The following LRRC31 variants were observed in gnomAD, a reference collection of about 807,000 sequenced individuals.
LRRC31 encodes leucine rich repeat containing 31, also known as leucine-rich repeat-containing protein 31.
A neutral mutation model predicts 46.7 loss-of-function variants in LRRC31; 35 were observed. The observed-to-expected ratio is 0.75, with a 90% CI of 0.57 to 0.99. The LOEUF (loss-of-function observed/expected upper bound fraction) is 0.99, where lower values mean the gene tolerates loss of function less well. LRRC31 is among the 50% of genes least tolerant of loss of function. LRRC31 has a pLI of 0.00. For synonymous variants in LRRC31, 236 were observed against 235.1 expected, an observed-to-expected ratio of 1.00 and a Z score of -0.03; for missense variants, 613 against 626.1, an observed-to-expected ratio of 0.98 and a Z score of 0.22.
At chr3:169,860,196 C>A (rs1191761773) in intron 3 of LRRC31, among the ~76,000 whole-genome samples, 2 of 151,610 alleles carry the variant, frequency 1.3e-5, no homozygotes, top group Non-Finnish European at 2.9e-5. Context: ...AAAGCAGGGA[C>A]CTGGTCAGCC....
rs770733010 is a variant in LRRC31, at chr3:169,851,628, TA to T, written c.1149del (p.Phe383LeufsTer29). On this transcript the variant is annotated frameshift_variant, in exon 7 of 9. Transcript: ENST00000316428. LOFTEE classifies it high-confidence loss of function. ...INNCALESET[F>X]TALAEASVHL... ...CTGGGAAATCTCTTACCAAGAGCTG[TA>T]AAAGTCTCACTCTCCAAAGCACAGT... The T allele has an allele frequency of 6.2e-7, 1 of 1,613,730 alleles. No homozygotes were observed. The highest frequency in any genetic ancestry group is 1.1e-5 in the South Asian group (1 of 91,016).
chr3:169,839,945 G>T lies in LRRC31; in HGVS notation c.*37C>A. On this transcript the variant is annotated 3_prime_UTR_variant, in exon 9 of 9. Coordinates refer to ENST00000316428, the MANE Select transcript of LRRC31 (RefSeq NM_024727.4). ...TTCGTTCATGTTCTTTTCCTTTGGA[G>T]AATGGTTTGTAGCTTAGTAGGACAT... 3.3e-6 allele frequency: 5 copies of T among 1,508,572 alleles called. No individual in the cohort carries two copies. The highest frequency in any genetic ancestry group is 4.5e-6 in the Non-Finnish European group (5 of 1,111,128). 93.4% of individuals were successfully genotyped at this position (1,508,572 alleles called of 1,614,324 possible). A position where few individuals can be genotyped will look rare whatever the true frequency, so the allele number is the denominator to read the frequency against.
chr3:169,865,927 G>A (rs1308566032), intron 1 of LRRC31, among the ~76,000 whole-genome samples: 3 of 152,158 alleles, frequency 2.0e-5, no homozygotes. Context: ...GGGGATGGGA[G>A]AAGAATGTGG....
At chr3:169,864,285 C>G (rs897526618) in intron 1 of LRRC31, among the ~76,000 whole-genome samples, 2 of 152,206 alleles carry the variant, frequency 1.3e-5, no homozygotes, top group African/African-American at 4.8e-5. Context: ...GGTTGCTACA[C>G]TCCTCTATCC....
At position 169,859,444 on chromosome 3, in the gene LRRC31, G is replaced by A. The variant is rs533334796; in HGVS notation, c.487+1117C>T. ...CATTTCCAGGGAGAGACTGACAAGC[G>A]GAGATATTTGGCATAAAATGTGTTG... On this transcript the variant is annotated intron_variant, in intron 3 of 8. Coordinates refer to ENST00000316428, the MANE Select transcript of LRRC31 (RefSeq NM_024727.4). Among the ~76,000 whole-genome samples, 8 of 152,268 alleles carry A rather than the reference G, an allele frequency of 5.3e-5. No individual in the cohort carries two copies. In the South Asian group the frequency reaches 6.2e-4, roughly 12 times the overall value.
intron 1 of LRRC31, among the ~76,000 whole-genome samples, chr3:169,863,292 A>C (rs775003658): frequency 1.3e-5 from 2 of 152,216 alleles, no homozygotes; most frequent in Non-Finnish European, 2.9e-5. Flanking sequence ...GAAATATACA[A>C]TTTTAAACAT....
At chr3:169,843,584 C>T (rs562197316) in intron 8 of LRRC31, among the ~76,000 whole-genome samples, 6 of 152,274 alleles carry the variant, frequency 3.9e-5, no homozygotes, top group African/African-American at 9.6e-5. Flanking sequence ...CTACAATATA[C>T]GCATGGAACA....
chr3:169,856,413 C>T lies in LRRC31; in HGVS notation c.746G>A (p.Gly249Glu), dbSNP rs752903395. Reference protein sequence around the residue: ...IVGSLNSIAQGLKSTSNLKVL... With the variant: ...IVGSLNSIAQELKSTSNLKVL... ...TTTCAGATTTGAGGTGCTTTTTAAT[C>T]CCTGAGCAATACTGTTCAGACTGCC... The change falls in exon 5 of 9, where the codon GGA becomes GAA. Residue 249 changes from glycine to glutamate, a missense_variant. Physicochemically the swap from Gly to Glu is moderately conservative, Grantham distance 98. Transcript: ENST00000316428. 6 of 1,607,032 alleles carry T rather than the reference C, an allele frequency of 3.7e-6. No individual in the cohort carries two copies. Among genetic ancestry groups the T allele is most frequent in the Non-Finnish European group, 4.2e-6 (5 of 1,176,646 alleles).
At chr3:169,861,384 AG>A (rs375778424) in intron 2 of LRRC31, among the ~76,000 whole-genome samples, 9,163 of 143,370 alleles carry the variant, frequency 0.064, 360 homozygotes, top group Admixed American at 0.097. Context: ...TAAAAAAAAA[AG>A]AAAAAAGAAA....
intron 8 of LRRC31, 98 bp downstream of exon 8, chr3:169,848,022 A>G: frequency 2.5e-6 from 3 of 1,202,014 alleles, no homozygotes; most frequent in East Asian, 4.7e-5. Flanking sequence ...GCTTCACCCC[A>G]GGTCTGGTAC....
At chr3:169,854,520 C>T (rs1780883223) in intron 6 of LRRC31, among the ~76,000 whole-genome samples, 1 of 152,188 alleles carries the variant, frequency 6.6e-6, no homozygotes, top group African/African-American at 2.4e-5. Flanking sequence ...TTGTAATCAA[C>T]TTTGTGACAC....
At chr3:169,856,943 C>A (rs930956975) in intron 3 of LRRC31, 71 bp from the exon 4 acceptor site, 5 of 1,450,668 alleles carry the variant, frequency 3.4e-6, no homozygotes, top group Non-Finnish European at 4.7e-6. Context: ...TCAGAATCAG[C>A]ACAACCATGA....
intron 3 of LRRC31, among the ~76,000 whole-genome samples, chr3:169,859,317 G>C: frequency 6.8e-6 from 1 of 147,702 alleles, no homozygotes; most frequent in African/African-American, 2.5e-5. Flanking sequence ...GGCCGGGGGG[G>C]CGGGTAGGCA....
At chr3:169,860,517 G>C (rs773487011) in intron 3 of LRRC31, 44 bp downstream of exon 3, 2 of 1,606,090 alleles carry the variant, frequency 1.2e-6, no homozygotes, top group African/African-American at 1.3e-5. Flanking sequence ...TGTGAGCCAC[G>C]GCGCCCGGCC....
chr3:169,864,536 A>G (rs545933410), intron 1 of LRRC31, among the ~76,000 whole-genome samples: 1 of 152,328 alleles, frequency 6.6e-6, no homozygotes, highest in Admixed American at 6.5e-5. Flanking sequence ...GAGCATCGTG[A>G]TTTAAACTTA....
intron 3 of LRRC31, among the ~76,000 whole-genome samples, chr3:169,858,240 T>C (rs986362072): frequency 2.0e-5 from 3 of 152,092 alleles, no homozygotes; most frequent in Non-Finnish European, 4.4e-5. Flanking sequence ...GAAATAACTC[T>C]GGGAGAGGGA....
chr3:169,851,190 A>T (rs1480052101), intron 7 of LRRC31, among the ~76,000 whole-genome samples: 1 of 152,042 alleles, frequency 6.6e-6, no homozygotes, highest in Admixed American at 6.5e-5. Flanking sequence ...AGGAGGGTGG[A>T]TCACTTGAAG....
rs553017029 is a variant in LRRC31 at position 169,859,859 on chromosome 3, G to A, written c.487+702C>T. 2.0e-5 allele frequency among the ~76,000 whole-genome samples: 3 copies of A among 152,232 alleles called. 1 individual carries two copies. Among genetic ancestry groups the A allele is most frequent in the South Asian group, 4.1e-4 (2 of 4,824 alleles). On this transcript the variant is annotated intron_variant, in intron 3 of 8. Coordinates refer to ENST00000316428, the MANE Select transcript of LRRC31 (RefSeq NM_024727.4). Reference sequence around the variant, plus strand: ...ACAGTAACCTCCATTGAAACTACATGAGGCTGGACACGGTGGCTCACACCT... The same window carrying A: ...ACAGTAACCTCCATTGAAACTACATAAGGCTGGACACGGTGGCTCACACCT...
At chr3:169,867,561 CAG>C (rs753081055) in intron 1 of LRRC31, among the ~76,000 whole-genome samples, 195 of 151,970 alleles carry the variant, frequency 1.3e-3, no homozygotes, top group Non-Finnish European at 1.8e-3. Context: ...CCGACCAAGA[CAG>C]AGTCTTGCTA....
Sources: gnomAD v4.1 joint callset for allele counts (sites outside exome capture counted in the v4.1 genomes callset) on GRCh38, gnomAD v4.1.1 for gene constraint, MANE v1.5 for transcripts, NCBI Gene and HGNC (gene_info 2026-07-23, HGNC 2026-07-21) for gene names.